Variants in HMCN2 observed in about 807,000 individuals in gnomAD.
HMCN2 encodes hemicentin-2.
HMCN2 carries 325 observed loss-of-function variants against 377.5 expected under a neutral mutation model. The observed-to-expected ratio is 0.86, with a 90% CI of 0.79 to 0.94. The LOEUF is 0.94. HMCN2 is among the 40% of genes least tolerant of loss of function. The probability of loss-of-function intolerance (pLI) is 0.00; values close to 1 mark genes in which losing one functional copy is unlikely to be tolerated. For synonymous variants in HMCN2, 2,007 were observed against 2,046.8 expected (o/e 0.98, Z 0.53); for missense variants, 4,543 against 4,725.3 (o/e 0.96, Z 1.13).
intron 19 of HMCN2, among the ~76,000 whole-genome samples, 163 bp downstream of exon 19, chr9:130,322,094 TACTCTC>T (rs1251656764): frequency 1.5e-3 from 232 of 152,226 alleles, no homozygotes; most frequent in Admixed American, 2.7e-3. Context: ...GTTAAAAAAA[TACTCTC>T]ATAATACCAG....
chr9:130,285,823 C>T (rs116784991), intron 3 of HMCN2, among the ~76,000 whole-genome samples: 242 of 152,280 alleles, frequency 1.6e-3, no homozygotes, highest in African/African-American at 5.6e-3. Flanking sequence ...GCTTCTCTGC[C>T]GCCACGTCTA....
At position 130,430,524 on chromosome 9, in the gene HMCN2, G is replaced by C. The variant is rs11244308; in HGVS notation, c.14567G>C (p.Arg4856Pro). The C allele has an allele frequency of 6.4e-7, 1 of 1,550,540 alleles. No individual in the cohort carries two copies. ...TCCTACCACGCCTGGGTCTCTCTCC[G>C]TCCGGGTCCCATGGCCCTGAGCAGT... is the stretch of plus-strand genomic sequence containing the variant. ...GTSYHAWVSL[R>P]PGPMALSSVG... The change falls in exon 95 of 98, where the codon CGT (arginine) becomes CCT (proline). Residue 4856 changes from arginine to proline, a missense_variant. Arg to Pro is a moderately radical substitution (Grantham distance 103). This residue lies in a region of HMCN2 where 1,155 missense variants were observed against 1,157.7 expected (regional missense o/e 1.00). Transcript: ENST00000683500.
intron 53 of HMCN2, among the ~76,000 whole-genome samples, chr9:130,378,399 G>C: frequency 1.1e-5 from 1 of 89,452 alleles, no homozygotes. Context: ...AGGCTGGGAG[G>C]GGGAGGCAGG....
Position 130,351,643 on chromosome 9 carries a change from G to T in HMCN2, c.4585+66G>T. The T allele has an allele frequency of 8.0e-7, 1 of 1,242,806 alleles. No individual in the cohort carries two copies. Among genetic ancestry groups the T allele is most frequent in the South Asian group, 1.4e-5 (1 of 74,046 alleles). The allele number at this position is 1,242,806 out of a possible 1,614,324, so 77.0% of individuals were successfully genotyped here. A position where few individuals can be genotyped will look rare whatever the true frequency, so the allele number is the denominator to read the frequency against. Reference sequence around the variant, plus strand: ...CAGGAAGCTTCCCACCCAGCTGCCCGCTGCCTTAGAGGGAGAGTGAGGGCT... The same window carrying T: ...CAGGAAGCTTCCCACCCAGCTGCCCTCTGCCTTAGAGGGAGAGTGAGGGCT... On this transcript the variant is annotated intron_variant, in intron 30 of 97. Coordinates refer to ENST00000683500, the MANE Select transcript of HMCN2 (RefSeq NM_001291815.2). This position sits in a 1 kb window ranked among gnomAD's most constrained non-coding sequence, Gnocchi z 5.4.
rs896372804 is a variant in HMCN2, at chr9:130,342,447, G to T, written c.3829+11G>T. 1 of 152,290 alleles carries T rather than the reference G, an allele frequency of 6.6e-6. No individual in the cohort carries two copies. Among genetic ancestry groups the T allele is most frequent in the Non-Finnish European group, 1.5e-5 (1 of 68,160 alleles). 9.4% of individuals were successfully genotyped at this position (152,290 alleles called of 1,614,324 possible). Reference sequence around the variant, plus strand: ...CGTGCCCTGCCAGAGGTGAAGCTGCGTCTGGGGAGGGACTGGGGAGGTGGG... The same window carrying T: ...CGTGCCCTGCCAGAGGTGAAGCTGCTTCTGGGGAGGGACTGGGGAGGTGGG... On this transcript the variant is annotated intron_variant, in intron 25 of 97. Coordinates refer to ENST00000683500, the MANE Select transcript of HMCN2 (RefSeq NM_001291815.2).
At chr9:130,372,437 C>G (rs1841075123) in intron 47 of HMCN2, 30 bp downstream of exon 47, 1 of 870,070 alleles carries the variant, frequency 1.1e-6, no homozygotes, top group Non-Finnish European at 1.4e-6. Context: ...TCATGGGTGC[C>G]CTATGAACTC....
intron 85 of HMCN2, among the ~76,000 whole-genome samples, chr9:130,412,290 T>C (rs983923286): frequency 1.3e-5 from 2 of 152,200 alleles, no homozygotes; most frequent in Non-Finnish European, 2.9e-5. Flanking sequence ...CATTCTTAAA[T>C]GGAGTTGTTT....
At chr9:130,352,454 G>A (rs541501586) in intron 30 of HMCN2, among the ~76,000 whole-genome samples, 21 of 152,362 alleles carry the variant, frequency 1.4e-4, no homozygotes, top group Admixed American at 1.2e-3. Flanking sequence ...GCTGTAACCC[G>A]GATAGAAGGA....
intron 22 of HMCN2, among the ~76,000 whole-genome samples, chr9:130,336,085 A>G (rs1409010577): frequency 2.0e-5 from 3 of 152,138 alleles, no homozygotes; most frequent in Non-Finnish European, 4.4e-5. Flanking sequence ...CATGTGAGAC[A>G]CATAGAGCAG....
intron 15 of HMCN2, among the ~76,000 whole-genome samples, chr9:130,317,674 T>TA (rs1184683190): frequency 6.7e-6 from 1 of 149,856 alleles, no homozygotes; most frequent in Non-Finnish European, 1.5e-5. Context: ...TATATATATA[T>TA]TTTTTAGTAG....
At chr9:130,381,987 G>A (rs908366237) in intron 54 of HMCN2, among the ~76,000 whole-genome samples, 197 bp from the exon 55 acceptor site, 1 of 152,290 alleles carries the variant, frequency 6.6e-6, no homozygotes, top group East Asian at 1.9e-4. Flanking sequence ...GGCCTGGCAC[G>A]CAGCGAGTGG....
Position 130,393,688 on chromosome 9 carries a change from G to C in HMCN2, c.10235-54G>C. Reference sequence around the variant, plus strand: ...GAGGTGATGTCTAAGCTGAGTACTGGAGATGAGAGTCCTGGAATAAAATGG... The same window carrying C: ...GAGGTGATGTCTAAGCTGAGTACTGCAGATGAGAGTCCTGGAATAAAATGG... On this transcript the variant is annotated intron_variant, in intron 67 of 97. Coordinates refer to ENST00000683500, the MANE Select transcript of HMCN2 (RefSeq NM_001291815.2). The surrounding 1 kb of genome is among the most constrained non-coding windows in gnomAD (Gnocchi z 5.2). 1.7e-6 allele frequency: 2 copies of C among 1,202,764 alleles called. No individual in the cohort carries two copies. The highest frequency in any genetic ancestry group is 3.0e-5 in the South Asian group (2 of 66,414). 74.5% of individuals were successfully genotyped at this position (1,202,764 alleles called of 1,614,324 possible).
intron 18 of HMCN2, among the ~76,000 whole-genome samples, chr9:130,321,550 G>A (rs1042415734): frequency 6.6e-5 from 10 of 152,078 alleles, no homozygotes; most frequent in African/African-American, 2.2e-4. Context: ...GGCCGAGGGA[G>A]AGGTGGGGTC....
Position 130,351,228 on chromosome 9 carries a change from A to G in HMCN2, c.4431-195A>G, listed in dbSNP as rs1839696170. ...GAATTGCCTTCATTTTTGTGGCTGAATAATGTTCCGTGGCATGGACGGACC... is the reference window on the plus strand; with the variant it reads ...GAATTGCCTTCATTTTTGTGGCTGAGTAATGTTCCGTGGCATGGACGGACC... On this transcript the variant is annotated intron_variant, in intron 29 of 97. Transcript: ENST00000683500. This position sits in a 1 kb window ranked among gnomAD's most constrained non-coding sequence, Gnocchi z 5.4. Among the ~76,000 whole-genome samples, 1 of 152,148 alleles carries G rather than the reference A, an allele frequency of 6.6e-6. No homozygotes were observed. Among genetic ancestry groups the G allele is most frequent in the Non-Finnish European group, 1.5e-5 (1 of 68,026 alleles).
At chr9:130,373,438 G>A (rs537856647) in intron 48 of HMCN2, among the ~76,000 whole-genome samples, 9 of 152,336 alleles carry the variant, frequency 5.9e-5, no homozygotes, top group African/African-American at 1.9e-4. Flanking sequence ...CCCTGTCCTA[G>A]CACTGACCCA....
chr9:130,374,396 G>A (rs572051955), intron 48 of HMCN2, 106 bp from the exon 49 acceptor site: 6 of 495,374 alleles, frequency 1.2e-5, no homozygotes, highest in Admixed American at 6.4e-5. Flanking sequence ...CCTCTGGGCC[G>A]GAATGGAAAA....
intron 11 of HMCN2, among the ~76,000 whole-genome samples, chr9:130,305,853 G>A (rs781895871): frequency 3.9e-5 from 6 of 152,172 alleles, no homozygotes; most frequent in African/African-American, 7.2e-5. Flanking sequence ...TCCCTAGAGC[G>A]CTCAGCCTGG....
At chr9:130,337,338 A>C in intron 22 of HMCN2, among the ~76,000 whole-genome samples, 1 of 152,078 alleles carries the variant, frequency 6.6e-6, no homozygotes, top group East Asian at 1.9e-4. Flanking sequence ...ACGTAAGAGC[A>C]CCAAGCGACT....
At chr9:130,429,503 G>T in intron 93 of HMCN2, 54 bp from the exon 94 acceptor site, 1 of 1,547,338 alleles carries the variant, frequency 6.5e-7, no homozygotes, top group Admixed American at 2.0e-5. Flanking sequence ...CGTCCCTTGG[G>T]GGAGGGGCCC....
Sources: allele counts gnomAD v4.1 joint callset (sites outside exome capture counted in the v4.1 genomes callset), GRCh38; gene constraint gnomAD v4.1.1; regional missense constraint gnomAD v4.1.1; non-coding constraint Gnocchi (gnomAD v3.1); transcripts MANE v1.5; gene names NCBI Gene and HGNC (gene_info 2026-07-23, HGNC 2026-07-21).